VSTM4: variants seen among roughly 807,000 people sequenced by gnomAD.
The protein encoded by VSTM4 is V-set and transmembrane domain-containing protein 4.
VSTM4 carries 20 observed loss-of-function variants against 36.4 expected under a neutral mutation model. The ratio of observed to expected loss-of-function variants is 0.55; its 90% confidence interval spans 0.39 to 0.80. The LOEUF (loss-of-function observed/expected upper bound fraction) is 0.80, where lower values mean the gene tolerates loss of function less well. Among genes scored for constraint, VSTM4 ranks in the 30% least tolerant of loss-of-function variants. The pLI is 0.00. For synonymous variants in VSTM4, 182 were observed against 173.9 expected (o/e 1.05, Z -0.37); for missense variants, 392 against 404.5 (o/e 0.97, Z 0.26).
intron 2 of VSTM4, among the ~76,000 whole-genome samples, chr10:49,086,692 GAAAAATGT>G (rs774943006): frequency 3.3e-5 from 5 of 152,148 alleles, no homozygotes; most frequent in Non-Finnish European, 7.4e-5. Flanking sequence ...ACAGACTGAT[GAAAAATGT>G]AAAATATCAC....
chr10:49,017,359 C>T lies in VSTM4; in HGVS notation c.*2291G>A, dbSNP rs1564560929. On this transcript the variant is annotated 3_prime_UTR_variant, in exon 8 of 8. Transcript: ENST00000332853. ...GATGCTGTCCATAGCTTCCAAGATT[C>T]CCCTGGGCAGCATTTTCAGTAGGAG... The T allele has an allele frequency of 6.6e-6, 1 of 152,374 alleles. No homozygotes were observed. Among genetic ancestry groups the T allele is most frequent in the East Asian group, 1.9e-4 (1 of 5,180 alleles). The allele number at this position is 152,374 out of a possible 1,614,324, so 9.4% of individuals were successfully genotyped here. A position where few individuals can be genotyped will look rare whatever the true frequency, so the allele number is the denominator to read the frequency against.
chr10:49,053,218 C>T (rs549427212), intron 5 of VSTM4, among the ~76,000 whole-genome samples: 2 of 152,322 alleles, frequency 1.3e-5, no homozygotes, highest in East Asian at 1.9e-4. Flanking sequence ...TTTGTGGGAG[C>T]TCATTGTGGA....
chr10:49,063,374 A>T (rs1379713692), intron 5 of VSTM4, among the ~76,000 whole-genome samples: 2 of 152,300 alleles, frequency 1.3e-5, no homozygotes, highest in African/African-American at 4.8e-5. Flanking sequence ...TTTGTCAGAT[A>T]ATTTCAACAC....
At chr10:49,092,112 G>A (rs1000003490) in intron 2 of VSTM4, among the ~76,000 whole-genome samples, 5 of 152,150 alleles carry the variant, frequency 3.3e-5, no homozygotes, top group African/African-American at 1.2e-4. Flanking sequence ...TACAGATCTT[G>A]TCCTTAGCAG....
At chr10:49,072,410 C>T (rs575720727) in intron 4 of VSTM4, among the ~76,000 whole-genome samples, 159 of 152,226 alleles carry the variant, frequency 1.0e-3, no homozygotes, top group African/African-American at 3.5e-3. Context: ...GCAGTTATGC[C>T]CCAGCCACCA....
intron 3 of VSTM4, 66 bp downstream of exon 3, chr10:49,085,888 AT>A (rs554137674): frequency 6.1e-5 from 64 of 1,043,224 alleles, no homozygotes; most frequent in Middle Eastern, 6.2e-4. Flanking sequence ...TTAAAGTATA[AT>A]TTAAAAAAAA....
intron 2 of VSTM4, chr10:49,103,753 G>A: frequency 6.2e-7 from 1 of 1,613,928 alleles, no homozygotes; most frequent in Non-Finnish European, 8.5e-7. Context: ...CAAGAACTCT[G>A]CAGGAAGGAG....
chr10:49,055,927 C>T (rs945486844), intron 5 of VSTM4, among the ~76,000 whole-genome samples: 7 of 152,240 alleles, frequency 4.6e-5, no homozygotes, highest in East Asian at 1.9e-4. Flanking sequence ...GTCCTTGAAT[C>T]GGAAGCAGGA....
rs1044918318 is a variant in VSTM4 at position 49,075,817 on chromosome 10, C to T, written c.634+1402G>A. On this transcript the variant is annotated intron_variant, in intron 4 of 7. Transcript: ENST00000332853. Reference sequence around the variant, plus strand: ...CAGCCCTGGAGGCACCTTCCTGTTCCTGACCCCCTGGCTTCTGGTGGGTGG... The same window carrying T: ...CAGCCCTGGAGGCACCTTCCTGTTCTTGACCCCCTGGCTTCTGGTGGGTGG... Among the ~76,000 whole-genome samples the T allele has an allele frequency of 2.0e-5, 3 of 152,360 alleles. No homozygotes were observed. The East Asian group carries it at 5.8e-4, about 29-fold the overall frequency.
At chr10:49,074,389 C>A (rs894889012) in intron 4 of VSTM4, among the ~76,000 whole-genome samples, 1 of 152,188 alleles carries the variant, frequency 6.6e-6, no homozygotes, top group Non-Finnish European at 1.5e-5. Context: ...TAAGGCCTTG[C>A]TACTCCAAGC....
At chr10:49,042,246 TG>T (rs1843532307) in intron 7 of VSTM4, among the ~76,000 whole-genome samples, 1 of 152,196 alleles carries the variant, frequency 6.6e-6, no homozygotes, top group African/African-American at 2.4e-5. Context: ...TGACTGCCAA[TG>T]GCCTATTAAA....
Position 49,059,213 on chromosome 10 carries a change from C to T in VSTM4, c.668+5490G>A, listed in dbSNP as rs187289465. The stretch of plus-strand genomic sequence containing the variant: ...TTTATGGGTCAAGGCCTGGCCCTAG[C>T]AGGGTCCTGGGATGGAGGTAGAGTA... On this transcript the variant is annotated intron_variant, in intron 5 of 7. Transcript: ENST00000332853. 2.6e-4 allele frequency among the ~76,000 whole-genome samples: 39 copies of T among 152,328 alleles called. No homozygotes were observed. In the East Asian group the frequency reaches 6.7e-3, roughly 26 times the overall value.
At chr10:49,115,173 C>G (rs1438240055) in intron 1 of VSTM4, among the ~76,000 whole-genome samples, 1 of 152,110 alleles carries the variant, frequency 6.6e-6, no homozygotes, top group Non-Finnish European at 1.5e-5. Context: ...TCGGCTGCTG[C>G]GAGAGTACCC....
chr10:49,039,423 G>A (rs776848440), intron 7 of VSTM4, among the ~76,000 whole-genome samples: 29 of 152,116 alleles, frequency 1.9e-4, no homozygotes, highest in Non-Finnish European at 3.5e-4. Flanking sequence ...AAAATCCCCC[G>A]GTAGCCACGC....
At chr10:49,065,372 C>T (rs746634380) in intron 4 of VSTM4, among the ~76,000 whole-genome samples, 1 of 152,206 alleles carries the variant, frequency 6.6e-6, no homozygotes, top group African/African-American at 2.4e-5. Context: ...TAGATTGTTA[C>T]ATCAGTGGAC....
chr10:49,046,760 T>C (rs1239917493), intron 7 of VSTM4, among the ~76,000 whole-genome samples: 1 of 152,180 alleles, frequency 6.6e-6, no homozygotes, highest in Non-Finnish European at 1.5e-5. Context: ...AAACAGAGCA[T>C]CTATAATATA....
chr10:49,076,227 A>C (rs959283042), intron 4 of VSTM4, among the ~76,000 whole-genome samples: 1 of 152,210 alleles, frequency 6.6e-6, no homozygotes, highest in Non-Finnish European at 1.5e-5. Flanking sequence ...GCTAACAGTG[A>C]CAATTATTGT....
intron 3 of VSTM4, among the ~76,000 whole-genome samples, chr10:49,083,654 T>A (rs139877646): frequency 6.6e-6 from 1 of 152,238 alleles, no homozygotes; most frequent in Non-Finnish European, 1.5e-5. Flanking sequence ...GGGCTACAGA[T>A]TTCATGTAGA....
At chr10:49,090,690 C>T (rs71500264) in intron 2 of VSTM4, among the ~76,000 whole-genome samples, 14,628 of 152,288 alleles carry the variant, frequency 0.096, 944 homozygotes, top group East Asian at 0.21. Flanking sequence ...CACAGCCCCC[C>T]TCTGGGTGAT....
Sources: allele counts gnomAD v4.1 joint callset (sites outside exome capture counted in the v4.1 genomes callset), GRCh38; gene constraint gnomAD v4.1.1; transcripts MANE v1.5; gene names NCBI Gene and HGNC (gene_info 2026-07-23, HGNC 2026-07-21).